GALNT13: variants seen among roughly 807,000 people sequenced by gnomAD.
GALNT13 encodes UDP-GalNAc:polypeptide N-acetylgalactosaminyltransferase 13.
In GALNT13, 28 loss-of-function variants were observed where a neutral mutation model predicts 64.2. The ratio of observed to expected loss-of-function variants is 0.44; its 90% CI spans 0.32 to 0.60. The LOEUF (loss-of-function observed/expected upper bound fraction) is 0.60, where lower values mean the gene tolerates loss of function less well. Ranked by LOEUF, GALNT13 falls within the 20% of genes least tolerant of loss-of-function variation. The pLI, the probability that GALNT13 is intolerant of heterozygous loss-of-function variation, is 0.05. For missense variants in GALNT13, 577 were observed against 669.8 expected (o/e 0.86, Z 1.53); for synonymous variants, 214 against 224.6 (o/e 0.95, Z 0.42).
At chr2:153,948,979 G>C (rs533946831) in intron 3 of GALNT13, among the ~76,000 whole-genome samples, 1 of 144,810 alleles carries the variant, frequency 6.9e-6, no homozygotes, top group South Asian at 2.2e-4. Context: ...CTGCACATGT[G>C]CCCCTGAACT....
chr2:153,191,298 A>G, the GALNT13 span, among the ~76,000 whole-genome samples: 1 of 152,048 alleles, frequency 6.6e-6, no homozygotes, highest in Non-Finnish European at 1.5e-5. Context: ...GTTGAATTTT[A>G]TCAGATGCTT....
the GALNT13 span, among the ~76,000 whole-genome samples, chr2:153,630,816 T>TA: frequency 3.8e-3 from 329 of 87,182 alleles, 4 homozygotes; most frequent in Non-Finnish European, 5.5e-3. Flanking sequence ...TATTTTTTTT[T>TA]TTTTTTTTAT....
chr2:153,322,554 C>G, the GALNT13 span, among the ~76,000 whole-genome samples: 3 of 152,006 alleles, frequency 2.0e-5, no homozygotes, highest in African/African-American at 7.3e-5. Flanking sequence ...GCAGAATGTG[C>G]AGGTATGTTA....
intron 11 of GALNT13, among the ~76,000 whole-genome samples, chr2:154,415,741 TTTA>T (rs1258907173): frequency 6.6e-6 from 1 of 152,152 alleles, no homozygotes; most frequent in Non-Finnish European, 1.5e-5. Context: ...GCTTAATTAT[TTTA>T]TTAATATGTT....
At chr2:154,103,633 G>T (rs937483868) in intron 3 of GALNT13, among the ~76,000 whole-genome samples, 6 of 152,128 alleles carry the variant, frequency 3.9e-5, no homozygotes, top group African/African-American at 9.7e-5. Context: ...GTATTGATTT[G>T]ATAGGACTTT....
chr2:153,607,132 A>G, the GALNT13 span, among the ~76,000 whole-genome samples: 1 of 151,964 alleles, frequency 6.6e-6, no homozygotes, highest in African/African-American at 2.4e-5. Context: ...ATCCCCAGGA[A>G]CCCAAATACC....
At chr2:153,288,301 A>G in the GALNT13 span, among the ~76,000 whole-genome samples, 3 of 152,226 alleles carry the variant, frequency 2.0e-5, no homozygotes, top group African/African-American at 7.2e-5. Context: ...ATATGGATAT[A>G]TGGATGTATA....
intron 8 of GALNT13, among the ~76,000 whole-genome samples, chr2:154,263,494 G>T (rs1404458438): frequency 6.6e-6 from 1 of 151,942 alleles, no homozygotes; most frequent in Non-Finnish European, 1.5e-5. Flanking sequence ...TTTGATCATG[G>T]TTAATCACAA....
At chr2:154,326,565 A>T (rs1196117015) in intron 9 of GALNT13, among the ~76,000 whole-genome samples, 1 of 152,102 alleles carries the variant, frequency 6.6e-6, no homozygotes, top group Non-Finnish European at 1.5e-5. Context: ...TTCTGCCAAC[A>T]TCAATATGAA....
the GALNT13 span, among the ~76,000 whole-genome samples, chr2:153,224,456 C>T: frequency 6.6e-6 from 1 of 151,672 alleles, no homozygotes; most frequent in African/African-American, 2.4e-5. Flanking sequence ...AGGTAAAAAA[C>T]ATGCCCATGT....
At chr2:154,355,448 A>G (rs562302946) in intron 9 of GALNT13, among the ~76,000 whole-genome samples, 101 of 152,276 alleles carry the variant, frequency 6.6e-4, no homozygotes, top group Non-Finnish European at 1.2e-3. Flanking sequence ...GCGCATCAGC[A>G]CAGGTACATA....
chr2:153,665,890 G>C, the GALNT13 span, among the ~76,000 whole-genome samples: 2 of 152,166 alleles, frequency 1.3e-5, no homozygotes, highest in African/African-American at 2.4e-5. Flanking sequence ...GGAGCCCAGA[G>C]GGTTTGGTGC....
intron 4 of GALNT13, among the ~76,000 whole-genome samples, chr2:154,203,198 C>T (rs1002354369): frequency 2.6e-5 from 4 of 152,080 alleles, no homozygotes; most frequent in Non-Finnish European, 5.9e-5. Context: ...ACCAGTTAGC[C>T]ATTTTCGCCT....
chr2:154,456,003 T>A (rs1467260079), downstream of GALNT13, among the ~76,000 whole-genome samples: 1 of 152,198 alleles, frequency 6.6e-6, no homozygotes, highest in Non-Finnish European at 1.5e-5. Context: ...ATATCTATAA[T>A]GTTTTTTAAA....
intron 3 of GALNT13, among the ~76,000 whole-genome samples, chr2:153,986,751 G>C (rs936006651): frequency 1.3e-5 from 2 of 151,842 alleles, no homozygotes; most frequent in Admixed American, 1.3e-4. Flanking sequence ...GAGTCATATT[G>C]GGTGTAACAA....
At chr2:153,588,619 C>T in the GALNT13 span, among the ~76,000 whole-genome samples, 3 of 152,196 alleles carry the variant, frequency 2.0e-5, no homozygotes, top group Non-Finnish European at 2.9e-5. Flanking sequence ...GGCCTCCAGG[C>T]CTGTGATTGG....
At chr2:154,455,798 A>G (rs563227085), downstream of GALNT13, among the ~76,000 whole-genome samples, 10 of 152,318 alleles carry the variant, frequency 6.6e-5, no homozygotes, top group Admixed American at 5.2e-4. Flanking sequence ...TTTAAAAGAA[A>G]AATCCCTCTG....
chr2:154,276,067 C>G (rs145917920), intron 8 of GALNT13, among the ~76,000 whole-genome samples: 1 of 152,196 alleles, frequency 6.6e-6, no homozygotes, highest in South Asian at 2.1e-4. Context: ...AGTGCCTGTA[C>G]CCCCATTGTA....
intron 9 of GALNT13, among the ~76,000 whole-genome samples, chr2:154,318,099 A>G (rs578181021): frequency 5.1e-4 from 78 of 152,308 alleles, no homozygotes; most frequent in African/African-American, 1.9e-3. Flanking sequence ...CTTTGGAGAT[A>G]AAATTATATC....
Sources: gnomAD v4.1 joint callset for allele counts (sites outside exome capture counted in the v4.1 genomes callset) on GRCh38, gnomAD v4.1.1 for gene constraint, MANE v1.5 for transcripts, NCBI Gene and HGNC (gene_info 2026-07-23, HGNC 2026-07-21) for gene names.